PPFIA2: variants seen among roughly 807,000 people sequenced by gnomAD.
The protein encoded by PPFIA2 is PPFI scaffold protein A2.
PPFIA2 carries 46 observed loss-of-function variants against 175.5 expected under a neutral mutation model. The ratio of observed to expected loss-of-function variants is 0.26; its 90% confidence interval spans 0.21 to 0.34. PPFIA2 has a LOEUF of 0.34. Ranked by LOEUF, PPFIA2 falls within the 10% of genes least tolerant of loss-of-function variation. PPFIA2 has a pLI of 1.00. For synonymous variants in PPFIA2, 568 were observed against 511.4 expected (o/e 1.11, Z -1.49); for missense variants, 1,179 against 1,506.1 (o/e 0.78, Z 3.60).
chr12:81,441,403 T>C (rs2050149465), intron 6 of PPFIA2, among the ~76,000 whole-genome samples: 1 of 152,048 alleles, frequency 6.6e-6, no homozygotes, highest in Non-Finnish European at 1.5e-5. Flanking sequence ...TTTGTTATGC[T>C]TAAATTCTCT....
intron 21 of PPFIA2, among the ~76,000 whole-genome samples, chr12:81,331,463 G>A (rs1438845484): frequency 6.6e-6 from 1 of 152,128 alleles, no homozygotes; most frequent in African/African-American, 2.4e-5. Context: ...TGATGCTGGT[G>A]TACTGCTGAA....
chr12:81,468,550 C>T (rs1381833433), intron 4 of PPFIA2, among the ~76,000 whole-genome samples: 1 of 152,164 alleles, frequency 6.6e-6, no homozygotes, highest in African/African-American at 2.4e-5. Flanking sequence ...CTGTGGCAAA[C>T]ACTCCCAGAC....
Position 81,720,804 on chromosome 12 carries a change from T to A in PPFIA2, c.249+33169A>T, listed in dbSNP as rs150462974. On this transcript the variant is annotated intron_variant, in intron 3 of 32. Coordinates refer to ENST00000549396, the MANE Select transcript of PPFIA2 (RefSeq NM_003625.5). ...CTTTTTGTGACTGAGCTGACTTGTA[T>A]ACACTTAATAAATTTTTTTTGTTTG... 8.7e-4 allele frequency among the ~76,000 whole-genome samples: 132 copies of A among 151,536 alleles called. 1 individual carries two copies. Among genetic ancestry groups the A allele is most frequent in the African/African-American group, 3.1e-3 (129 of 41,452 alleles).
intron 4 of PPFIA2, among the ~76,000 whole-genome samples, chr12:81,562,538 G>A (rs1343800203): frequency 6.6e-6 from 1 of 152,138 alleles, no homozygotes; most frequent in Non-Finnish European, 1.5e-5. Flanking sequence ...TCAAGAACAT[G>A]TAGGCATTTT....
At position 81,676,720 on chromosome 12, in the gene PPFIA2, A is replaced by G. The variant is rs918746408; in HGVS notation, c.303+71T>C. ...GCATATGACAAATAATATACAAGCA[A>G]TCAACTGATAATCTGGTGTGTACAC... On this transcript the variant is annotated intron_variant, in intron 4 of 32. Transcript: ENST00000549396. The G allele has an allele frequency of 3.2e-5, 34 of 1,075,998 alleles. No individual in the cohort carries two copies. The South Asian group carries it at 6.1e-4, about 19-fold the overall frequency. The allele number at this position is 1,075,998 out of a possible 1,614,324, so 66.7% of individuals were successfully genotyped here. A position where few individuals can be genotyped will look rare whatever the true frequency, so the allele number is the denominator to read the frequency against.
Position 81,343,833 on chromosome 12 carries a change from A to G in PPFIA2, c.2262+831T>C, listed in dbSNP as rs577853623. Among the ~76,000 whole-genome samples the G allele has an allele frequency of 6.5e-4, 99 of 152,198 alleles. 2 individuals are homozygous for G. Among genetic ancestry groups the G allele is most frequent in the Admixed American group, 6.2e-3 (95 of 15,260 alleles). On this transcript the variant is annotated intron_variant, in intron 19 of 32. Coordinates refer to ENST00000549396, the MANE Select transcript of PPFIA2 (RefSeq NM_003625.5). ...TATTTTTTTATTTTGCATAGTCTTG[A>G]TGCTCTGGCATCTGGAGAGGATGCT...
chr12:81,443,252 A>C (rs1163468944), intron 6 of PPFIA2, among the ~76,000 whole-genome samples: 1 of 152,036 alleles, frequency 6.6e-6, no homozygotes, highest in African/African-American at 2.4e-5. Context: ...ATTCAAGATA[A>C]GAGGTAATTG....
At chr12:81,325,916 G>T in intron 21 of PPFIA2, 46 bp from the exon 22 acceptor site, 1 of 1,372,860 alleles carries the variant, frequency 7.3e-7, no homozygotes, top group Non-Finnish European at 1.0e-6. Flanking sequence ...TGCATAGGTT[G>T]TGTCAATTCT....
chr12:81,662,570 AC>A (rs1272082209), intron 4 of PPFIA2, among the ~76,000 whole-genome samples: 1 of 152,160 alleles, frequency 6.6e-6, no homozygotes, highest in Non-Finnish European at 1.5e-5. Flanking sequence ...TAGCTTACCA[AC>A]CAAAAAAAGT....
At position 81,404,653 on chromosome 12, in the gene PPFIA2, G is replaced by A. The variant is rs1346650330; in HGVS notation, c.762+1134C>T. On this transcript the variant is annotated intron_variant, in intron 8 of 32. Coordinates refer to ENST00000549396, the MANE Select transcript of PPFIA2 (RefSeq NM_003625.5). Reference sequence around the variant, plus strand: ...AAATACATGGATAAAGGCTAAATTCGTGGTCTTATGTGAAGATCTGTTCAT... The same window carrying A: ...AAATACATGGATAAAGGCTAAATTCATGGTCTTATGTGAAGATCTGTTCAT... 5.3e-5 allele frequency among the ~76,000 whole-genome samples: 8 copies of A among 152,226 alleles called. No individual in the cohort carries two copies. The South Asian group carries it at 1.2e-3, about 24-fold the overall frequency.
chr12:81,426,539 T>C (rs2047166385), intron 7 of PPFIA2, among the ~76,000 whole-genome samples: 1 of 152,146 alleles, frequency 6.6e-6, no homozygotes. Flanking sequence ...TAATAGTATA[T>C]GGTAAATACC....
At chr12:81,424,541 G>T (rs1392863978) in intron 7 of PPFIA2, among the ~76,000 whole-genome samples, 2 of 151,964 alleles carry the variant, frequency 1.3e-5, no homozygotes, top group African/African-American at 4.8e-5. Flanking sequence ...CATTCTTTAT[G>T]TTTTGTGTGT....
chr12:81,671,548 C>G (rs2071419006), intron 4 of PPFIA2, among the ~76,000 whole-genome samples: 1 of 151,792 alleles, frequency 6.6e-6, no homozygotes, highest in South Asian at 2.1e-4. Flanking sequence ...AATTCGCTCT[C>G]CAACTGGTAA....
chr12:81,498,467 T>G (rs1056074722), intron 4 of PPFIA2, among the ~76,000 whole-genome samples: 1 of 152,186 alleles, frequency 6.6e-6, no homozygotes, highest in African/African-American at 2.4e-5. Flanking sequence ...AAAATGTCCC[T>G]CAGTTTGGAT....
At chr12:81,302,806 T>C (rs2048195211) in intron 22 of PPFIA2, 2 of 356,276 alleles carry the variant, frequency 5.6e-6, no homozygotes, top group African/African-American at 4.2e-5. Context: ...CATACAAAAT[T>C]TATAAAAGGC....
At chr12:81,404,710 G>A (rs1269376562) in intron 8 of PPFIA2, among the ~76,000 whole-genome samples, 2 of 152,048 alleles carry the variant, frequency 1.3e-5, no homozygotes, top group African/African-American at 4.8e-5. Flanking sequence ...GCTTCTTTCC[G>A]GAAATTCATC....
At chr12:81,287,449 T>C (rs2043744459) in intron 24 of PPFIA2, among the ~76,000 whole-genome samples, 1 of 151,912 alleles carries the variant, frequency 6.6e-6, no homozygotes, top group Admixed American at 6.6e-5. Flanking sequence ...AATAAGCATA[T>C]ACCCAGGACA....
At chr12:81,623,407 T>G (rs2062299003) in intron 4 of PPFIA2, among the ~76,000 whole-genome samples, 1 of 152,014 alleles carries the variant, frequency 6.6e-6, no homozygotes, top group Non-Finnish European at 1.5e-5. Context: ...ATGATGAATA[T>G]CTTAGGCAAT....
At chr12:81,679,181 A>G (rs11114977) in intron 3 of PPFIA2, among the ~76,000 whole-genome samples, 7,092 of 152,000 alleles carry the variant, frequency 0.047, 556 homozygotes, top group African/African-American at 0.16. Context: ...ACAGAAAATA[A>G]AACACACAGC....
Sources: gnomAD v4.1 joint callset for allele counts (sites outside exome capture counted in the v4.1 genomes callset) on GRCh38, gnomAD v4.1.1 for gene constraint, MANE v1.5 for transcripts, NCBI Gene and HGNC (gene_info 2026-07-23, HGNC 2026-07-21) for gene names.